DAB2IP: variants seen among roughly 807,000 people sequenced by gnomAD.
The protein encoded by DAB2IP is DAB2 interacting protein.
DAB2IP carries 28 observed loss-of-function variants against 107.2 expected under a neutral mutation model. That is an observed-to-expected ratio of 0.26 (90% CI 0.19 to 0.36). The LOEUF (loss-of-function observed/expected upper bound fraction) is 0.36. Ranked by LOEUF, DAB2IP falls within the 10% of genes least tolerant of loss-of-function variation. The pLI, the probability that DAB2IP is intolerant of heterozygous loss-of-function variation, is 1.00. For synonymous variants in DAB2IP, 755 were observed against 706.4 expected (o/e 1.07, Z -1.09); for missense variants, 1,400 against 1,644.7 (o/e 0.85, Z 2.57).
Position 121,642,016 on chromosome 9 carries a change from TC to T in DAB2IP, c.41-36661del, listed in dbSNP as rs1564128748. On this transcript the variant is annotated intron_variant, in intron 1 of 16. Transcript: ENST00000259371. ...TCCTTTCTCTCTCTCTCTCTCTCTC[TC>T]TCTCTCTCTCTCTCTTTCTTTCTTT... Among the ~76,000 whole-genome samples the T allele has an allele frequency of 1.5e-3, 45 of 29,434 alleles. 2 individuals carry two copies. Among genetic ancestry groups the T allele is most frequent in the African/African-American group, 6.0e-3 (41 of 6,820 alleles). The allele number at this position is 29,434 out of a possible 152,430, so 19.3% of individuals were successfully genotyped here.
Position 121,567,284 on chromosome 9 carries a change from G to A in DAB2IP, c.40+56G>A. On this transcript the variant is annotated intron_variant, in intron 1 of 16. Coordinates refer to the DAB2IP transcript ENST00000259371. ...GGGGTTTCAGCCTCTCTGCTCAACA[G>A]ACTTTTCTCTGCTATAGGAATCTGA... The A allele has an allele frequency of 6.2e-6, 10 of 1,611,970 alleles. No homozygotes were observed. The South Asian group carries it at 1.1e-4, about 18-fold the overall frequency.
rs554936430 is a variant in DAB2IP at position 121,770,629 on chromosome 9, C to T, written c.1983C>T (p.Leu661=). Reference sequence around the variant, plus strand: ...TGAGCACCCCAGGTAGCGGGCAGCTCCCAGGGACCAATGACCTGGCCTCCA... The same window carrying T: ...TGAGCACCCCAGGTAGCGGGCAGCTTCCAGGGACCAATGACCTGGCCTCCA... The change falls in exon 11 of 16, where the codon CTC becomes CTT. Residue 661 remains leucine, a synonymous_variant. Coordinates refer to ENST00000408936, the Ensembl canonical transcript of DAB2IP. 60 of 1,614,160 alleles carry T rather than the reference C, an allele frequency of 3.7e-5. 1 individual carries two copies. In the South Asian group the frequency reaches 6.6e-4, roughly 18 times the overall value.
intron 1 of DAB2IP, among the ~76,000 whole-genome samples, chr9:121,645,458 G>A (rs772576722): frequency 7.9e-5 from 12 of 152,304 alleles, no homozygotes; most frequent in Middle Eastern, 3.4e-3. Context: ...GGCTCTCGAC[G>A]GAGAGAGGTG....
chr9:121,777,184 G>A (rs1332180416), intron 14 of DAB2IP, among the ~76,000 whole-genome samples: 1 of 152,122 alleles, frequency 6.6e-6, no homozygotes, highest in African/African-American at 2.4e-5. Context: ...AGGAGAGACA[G>A]TGTGTCTTGT....
In DAB2IP at chr9:121,608,394, C is replaced by T. The variant is rs531533710; in HGVS notation, c.40+41166C>T. On this transcript the variant is annotated intron_variant, in intron 1 of 16. Coordinates refer to the DAB2IP transcript ENST00000259371. Reference sequence around the variant, plus strand: ...GAGTCAACAGGCTCCAGGAGGGAAGCGGGTTGGTGGAAACAATAGGGGTAG... The same window carrying T: ...GAGTCAACAGGCTCCAGGAGGGAAGTGGGTTGGTGGAAACAATAGGGGTAG... Among the ~76,000 whole-genome samples, 6 of 152,206 alleles carry T rather than the reference C, an allele frequency of 3.9e-5. No individual in the cohort carries two copies. The South Asian group carries it at 6.2e-4, about 16-fold the overall frequency.
At position 121,599,798 on chromosome 9, in the gene DAB2IP, G is replaced by A. The variant is rs185893759; in HGVS notation, c.40+32570G>A. ...GCTGGGGGCCGCGGCTCAGGTGGAG[G>A]GGGGCTCGGTGGTTTGCCGGGATCC... On this transcript the variant is annotated intron_variant, in intron 1 of 16. Transcript: ENST00000259371. The surrounding 1 kb of genome is among the most constrained non-coding windows in gnomAD (Gnocchi z 6.9). 6.6e-6 allele frequency among the ~76,000 whole-genome samples: 1 copy of A among 151,982 alleles called. No individual in the cohort carries two copies. Among genetic ancestry groups the A allele is most frequent in the East Asian group, 1.9e-4 (1 of 5,142 alleles).
rs560520073 is a variant in DAB2IP at position 121,760,728 on chromosome 9, C to T, written c.1170+289C>T. Among the ~76,000 whole-genome samples the T allele has an allele frequency of 2.7e-4, 41 of 152,180 alleles. No homozygotes were observed. The highest frequency in any genetic ancestry group is 1.4e-3 in the Admixed American group (22 of 15,294). On this transcript the variant is annotated intron_variant, in intron 6 of 15. Transcript: ENST00000408936. The surrounding 1 kb of genome is among the most constrained non-coding windows in gnomAD (Gnocchi z 5.9). Reference sequence around the variant, plus strand: ...GCCTTCCACCACTGCTGCAGAGGACCGACCCCCTGAGGCGCCAGGGGAACA... The same window carrying T: ...GCCTTCCACCACTGCTGCAGAGGACTGACCCCCTGAGGCGCCAGGGGAACA...
At chr9:121,658,120 C>T (rs944993223) in intron 1 of DAB2IP, among the ~76,000 whole-genome samples, 1 of 152,140 alleles carries the variant, frequency 6.6e-6, no homozygotes. Flanking sequence ...ATTCAACTCC[C>T]GTGTACTGTT....
intron 3 of DAB2IP, among the ~76,000 whole-genome samples, chr9:121,722,864 A>G (rs1831017595): frequency 1.3e-5 from 2 of 152,156 alleles, no homozygotes; most frequent in South Asian, 4.1e-4. Context: ...TCCAGGCACT[A>G]TAAAGCAAAA....
intron 3 of DAB2IP, chr9:121,737,462 T>C (rs1044725756): frequency 1.8e-5 from 18 of 985,318 alleles, no homozygotes; most frequent in Admixed American, 6.1e-5. Flanking sequence ...TAGGCTCACC[T>C]CTTAGATGCC....
chr9:121,764,023 T>G, intron 8 of DAB2IP, 144 bp downstream of exon 8: 2 of 1,147,432 alleles, frequency 1.7e-6, no homozygotes, highest in Non-Finnish European at 2.4e-6. Context: ...TTTTGAGCTC[T>G]CAGGTGGGGC....
chr9:121,685,907 G>C (rs915404618), intron 2 of DAB2IP, among the ~76,000 whole-genome samples: 3 of 152,230 alleles, frequency 2.0e-5, no homozygotes, highest in Non-Finnish European at 4.4e-5. Context: ...GCTGAAATGT[G>C]AGGAAGTGGC....
intron 2 of DAB2IP, among the ~76,000 whole-genome samples, chr9:121,692,077 C>T (rs1441533774): frequency 6.6e-6 from 1 of 152,186 alleles, no homozygotes; most frequent in East Asian, 1.9e-4. Flanking sequence ...GAGATCTGGG[C>T]TCCTAACTCT....
intron 3 of DAB2IP, among the ~76,000 whole-genome samples, chr9:121,727,964 G>A (rs993649490): frequency 6.6e-6 from 1 of 152,114 alleles, no homozygotes; most frequent in African/African-American, 2.4e-5. Context: ...GCTCAGTGTT[G>A]TCTTTTTTTG....
At chr9:121,751,430 C>CGTAGTGTGAGCTGTCT (rs1833112151) in intron 3 of DAB2IP, 1 of 152,836 alleles carries the variant, frequency 6.5e-6, no homozygotes, top group African/African-American at 2.4e-5. Flanking sequence ...GCTTAGGTAG[C>CGTAGTGTGAGCTGTCT]GTAGTGTGAG....
At chr9:121,605,240 C>T (rs1252689216) in intron 1 of DAB2IP, among the ~76,000 whole-genome samples, 13 of 151,986 alleles carry the variant, frequency 8.6e-5, no homozygotes, top group African/African-American at 3.1e-4. Context: ...AAGCTGGTCT[C>T]GAACTCCTGA....
At chr9:121,567,360 C>T (rs1829829214) in intron 1 of DAB2IP, 4 of 1,383,750 alleles carry the variant, frequency 2.9e-6, no homozygotes, top group Non-Finnish European at 4.0e-6. Context: ...GTCTTGGGAC[C>T]CATGGGTGGG....
chr9:121,577,046 G>A (rs1413350433), intron 1 of DAB2IP, among the ~76,000 whole-genome samples: 4 of 152,226 alleles, frequency 2.6e-5, no homozygotes, highest in South Asian at 2.1e-4. Flanking sequence ...ACCATTACTC[G>A]CCTCTGGTCT....
intron 1 of DAB2IP, among the ~76,000 whole-genome samples, chr9:121,636,715 G>A (rs564549125): frequency 1.6e-4 from 24 of 152,322 alleles, no homozygotes; most frequent in African/African-American, 4.1e-4. Flanking sequence ...GTTCTGAACC[G>A]CCAGTCCCAT....
Sources: gnomAD v4.1 joint callset for allele counts (sites outside exome capture counted in the v4.1 genomes callset) on GRCh38, gnomAD v4.1.1 for gene constraint, Gnocchi (gnomAD v3.1) non-coding constraint, MANE v1.5 for transcripts, NCBI Gene and HGNC (gene_info 2026-07-23, HGNC 2026-07-21) for gene names.